Variants in PAX7 observed in about 807,000 individuals in gnomAD.
PAX7 encodes paired box protein Pax-7.
PAX7 carries 18 observed loss-of-function variants against 50.7 expected under a neutral mutation model. That is an observed-to-expected ratio of 0.36 (90% CI 0.25 to 0.53). PAX7 has a LOEUF of 0.53. Among genes scored for constraint, PAX7 ranks in the 20% least tolerant of loss-of-function variants. PAX7 has a pLI of 0.93. For synonymous variants in PAX7, 310 were observed against 290.4 expected (o/e 1.07, Z -0.69); for missense variants, 644 against 702.9 (o/e 0.92, Z 0.95).
chr1:18,639,913 T>C (rs1256654237), intron 4 of PAX7, among the ~76,000 whole-genome samples: 1 of 145,986 alleles, frequency 6.8e-6, no homozygotes, highest in African/African-American at 2.6e-5. Context: ...ACAATTAATA[T>C]GAAATATAGG....
chr1:18,692,756 A>T (rs1201198388), intron 5 of PAX7, among the ~76,000 whole-genome samples: 1 of 152,200 alleles, frequency 6.6e-6, no homozygotes, highest in Non-Finnish European at 1.5e-5. Flanking sequence ...CTGGCAGGTT[A>T]GATGCCTCAG....
At chr1:18,730,548 A>G (rs1218914275) in intron 7 of PAX7, among the ~76,000 whole-genome samples, 1 of 117,090 alleles carries the variant, frequency 8.5e-6, no homozygotes, top group African/African-American at 3.2e-5. Flanking sequence ...ACCCTGCCAC[A>G]GAGCCCCAAT....
Position 18,636,310 on chromosome 1 carries a change from G to C in PAX7, c.525G>C (p.Lys175Asn). 2 of 1,614,236 alleles carry C rather than the reference G, an allele frequency of 1.2e-6. No homozygotes were observed. Among genetic ancestry groups the C allele is most frequent in the Non-Finnish European group, 1.7e-6 (2 of 1,180,018 alleles). ...GKKEEEDEADKKEDDGEKKAK... is the reference protein window; with the variant it reads ...GKKEEEDEADNKEDDGEKKAK... ...AAGAGGAGGAGGATGAAGCGGACAA[G>C]AAGGAGGACGACGGCGAAAAGAAGG... Residue 175 changes from lysine to asparagine, a missense_variant, in exon 4 of 9, where the codon AAG becomes AAC. Transcript: ENST00000420770. The surrounding 1 kb of genome is among the most constrained non-coding windows in gnomAD (Gnocchi z 5.1).
rs748436036 is a variant in PAX7 at position 18,636,380 on chromosome 1, C to G, written c.586+9C>G. On this transcript the variant is annotated intron_variant, in intron 4 of 8. Coordinates refer to ENST00000420770, the MANE Select transcript of PAX7 (RefSeq NM_001135254.2). This position sits in a 1 kb window ranked among gnomAD's most constrained non-coding sequence, Gnocchi z 5.1. ...CATCCTGGGCGACAAAGGTAGGGAA[C>G]TTCCCTGGGCTGCGAGGCCCCAGCC... is the stretch of plus-strand genomic sequence containing the variant. 1.9e-6 allele frequency: 3 copies of G among 1,612,618 alleles called. No homozygotes were observed. In the Admixed American group the frequency reaches 5.0e-5, roughly 27 times the overall value.
At chr1:18,642,490 C>T (rs2088271373) in intron 4 of PAX7, among the ~76,000 whole-genome samples, 1 of 152,158 alleles carries the variant, frequency 6.6e-6, no homozygotes, top group African/African-American at 2.4e-5. Context: ...GGGGGGAGGA[C>T]ACATTCCAGA....
Position 18,700,725 on chromosome 1 carries a change from C to T in PAX7, c.859C>T (p.Leu287Phe), listed in dbSNP as rs1227538555. 3 of 1,601,340 alleles carry T rather than the reference C, an allele frequency of 1.9e-6. No homozygotes were observed. Among genetic ancestry groups the T allele is most frequent in the South Asian group, 1.1e-5 (1 of 89,164 alleles). ...GANQLAAFNH[L>F]LPGGFPPTGM... ...CAACCAGCTGGCGGCGTTCAACCACCTTCTGCCAGGAGGCTTCCCACCCAC... is the reference window on the plus strand; with the variant it reads ...CAACCAGCTGGCGGCGTTCAACCACTTTCTGCCAGGAGGCTTCCCACCCAC... The change falls in exon 6 of 9, where the codon CTT becomes TTT. Residue 287 changes from leucine to phenylalanine, a missense_variant. Leu to Phe is a conservative substitution (Grantham distance 22). Coordinates refer to ENST00000420770, the MANE Select transcript of PAX7 (RefSeq NM_001135254.2). The surrounding 1 kb of genome is among the most constrained non-coding windows in gnomAD (Gnocchi z 4.8).
intron 4 of PAX7, among the ~76,000 whole-genome samples, chr1:18,654,651 C>G (rs966933163): frequency 6.6e-6 from 1 of 152,066 alleles, no homozygotes; most frequent in Non-Finnish European, 1.5e-5. Context: ...TTTGCCAGGC[C>G]GTAATAATTA....
chr1:18,666,753 C>T (rs1440357205), intron 4 of PAX7, among the ~76,000 whole-genome samples: 11 of 152,178 alleles, frequency 7.2e-5, no homozygotes, highest in African/African-American at 2.2e-4. Flanking sequence ...TGTTTGGCTG[C>T]GCTCCACCTG....
rs977760922 is a variant in PAX7 at position 18,745,004 on chromosome 1, G to A, written c.*75G>A. ...GACCCCTGAGCTTCCCAGCCTTGCC[G>A]CCTCACCCCCCTGTTGTCCTAGGAG... On this transcript the variant is annotated 3_prime_UTR_variant, in exon 9 of 9. Transcript: ENST00000420770. The A allele has an allele frequency of 4.7e-5, 40 of 842,600 alleles. No homozygotes were observed. The highest frequency in any genetic ancestry group is 3.4e-4 in the South Asian group (22 of 65,138). 52.2% of individuals were successfully genotyped at this position (842,600 alleles called of 1,614,324 possible).
chr1:18,690,778 C>T (rs902362727), intron 4 of PAX7, among the ~76,000 whole-genome samples: 3 of 152,232 alleles, frequency 2.0e-5, no homozygotes, highest in Admixed American at 2.0e-4. Flanking sequence ...GTGAGGTCTC[C>T]TCTAGCCTGG....
chr1:18,631,436 C>T lies in PAX7; in HGVS notation c.-168C>T. 1.6e-6 allele frequency: 1 copy of T among 624,538 alleles called. No homozygotes were observed. Among genetic ancestry groups the T allele is most frequent in the Non-Finnish European group, 2.8e-6 (1 of 350,892 alleles). The allele number at this position is 624,538 out of a possible 1,614,324, so 38.7% of individuals were successfully genotyped here. Reference sequence around the variant, plus strand: ...CCCAGCTTCTGGACGCGTTTGACTGCAGCCAGGGGTGGGGGGTGGGGGTAG... The same window carrying T: ...CCCAGCTTCTGGACGCGTTTGACTGTAGCCAGGGGTGGGGGGTGGGGGTAG... On this transcript the variant is annotated 5_prime_UTR_variant, in exon 1 of 9. Transcript: ENST00000420770.
At chr1:18,679,034 A>C (rs970898477) in intron 4 of PAX7, among the ~76,000 whole-genome samples, 3 of 152,160 alleles carry the variant, frequency 2.0e-5, no homozygotes, top group Non-Finnish European at 4.4e-5. Flanking sequence ...CATTGTAGTG[A>C]GGTGTTGTGA....
chr1:18,685,111 T>A (rs866448), intron 4 of PAX7, among the ~76,000 whole-genome samples: 142,177 of 152,260 alleles, frequency 0.93, 66,601 homozygotes, highest in African/African-American at 0.98. Context: ...GCTGTAGCCA[T>A]ATTGGCCTTC....
chr1:18,685,087 T>A (rs2088955192), intron 4 of PAX7, among the ~76,000 whole-genome samples: 1 of 152,192 alleles, frequency 6.6e-6, no homozygotes, highest in Non-Finnish European at 1.5e-5. Context: ...GAATTTTCCA[T>A]CACCCGGGAA....
At chr1:18,693,587 C>A (rs1437259986) in intron 5 of PAX7, among the ~76,000 whole-genome samples, 1 of 152,218 alleles carries the variant, frequency 6.6e-6, no homozygotes, top group Non-Finnish European at 1.5e-5. Context: ...CCCCTCCGCC[C>A]CCTGTCCTCA....
chr1:18,690,795 C>A (rs1332562271), intron 4 of PAX7, among the ~76,000 whole-genome samples: 1 of 152,228 alleles, frequency 6.6e-6, no homozygotes, highest in Non-Finnish European at 1.5e-5. Context: ...CTGGGGGAAT[C>A]ACTCAGAGAC....
At chr1:18,713,434 G>C (rs183826311) in intron 7 of PAX7, among the ~76,000 whole-genome samples, 1 of 152,204 alleles carries the variant, frequency 6.6e-6, no homozygotes, top group Non-Finnish European at 1.5e-5. Flanking sequence ...CATACAGCAG[G>C]CCTGGTGAGA....
chr1:18,700,786 A>G lies in PAX7; in HGVS notation c.920A>G (p.Asp307Gly), dbSNP rs544225459. ...ACGCTGCCCCCCTACCAGCTGCCGG[A>G]CTCCACCTACCCCACCACCACCATC... is the stretch of plus-strand genomic sequence containing the variant. ...MPTLPPYQLP[D>G]STYPTTTISQ... is the part of the protein sequence containing the mutation. The change falls in exon 6 of 9, where the codon GAC becomes GGC. Residue 307 changes from aspartate to glycine, a missense_variant. Asp to Gly is a moderately conservative substitution (Grantham distance 94). Coordinates refer to ENST00000420770, the MANE Select transcript of PAX7 (RefSeq NM_001135254.2). The surrounding 1 kb of genome is among the most constrained non-coding windows in gnomAD (Gnocchi z 4.8). The G allele has an allele frequency of 7.7e-6, 12 of 1,563,900 alleles. No individual in the cohort carries two copies. Among genetic ancestry groups the G allele is most frequent in the Non-Finnish European group, 1.0e-5 (12 of 1,155,684 alleles).
chr1:18,672,572 C>T lies in PAX7; in HGVS notation c.587-19182C>T, dbSNP rs542022495. Among the ~76,000 whole-genome samples the T allele has an allele frequency of 1.9e-4, 29 of 149,450 alleles. No individual in the cohort carries two copies. In the East Asian group the frequency reaches 3.5e-3, roughly 18 times the overall value. ...ATGCAGTGTCCCCTCCTGCCAAATG[C>T]GGCCCTAGACTGGAGAGCACTGTGT... On this transcript the variant is annotated intron_variant, in intron 4 of 8. Coordinates refer to ENST00000420770, the MANE Select transcript of PAX7 (RefSeq NM_001135254.2).
Sources: gnomAD v4.1 joint callset for allele counts (sites outside exome capture counted in the v4.1 genomes callset) on GRCh38, gnomAD v4.1.1 for gene constraint, Gnocchi (gnomAD v3.1) non-coding constraint, MANE v1.5 for transcripts, NCBI Gene and HGNC (gene_info 2026-07-23, HGNC 2026-07-21) for gene names.